Variants in TMCC1 observed in about 807,000 individuals in gnomAD.
The protein encoded by TMCC1 is transmembrane and coiled-coil domains protein 1.
A neutral mutation model predicts 52.4 loss-of-function variants in TMCC1; 15 were observed. The ratio of observed to expected loss-of-function variants is 0.29; its 90% CI spans 0.19 to 0.44. The LOEUF (loss-of-function observed/expected upper bound fraction) is 0.44, where lower values mean the gene tolerates loss of function less well. TMCC1 is among the 20% of genes least tolerant of loss of function. The pLI, the probability that TMCC1 is intolerant of heterozygous loss-of-function variation, is 1.00. For synonymous variants in TMCC1, 279 were observed against 301.9 expected, an observed-to-expected ratio of 0.92 and a Z score of 0.79; for missense variants, 503 against 806.0, an observed-to-expected ratio of 0.62 and a Z score of 4.55.
chr3:129,803,045 A>G (rs755034340), intron 4 of TMCC1, among the ~76,000 whole-genome samples: 1 of 152,370 alleles, frequency 6.6e-6, no homozygotes, highest in Non-Finnish European at 1.5e-5. Context: ...CAAGAGTGAG[A>G]GAAAGGAGCC....
In TMCC1 at chr3:129,849,824, AC is replaced by A. The variant is rs570575481; in HGVS notation, c.-183-16999del. Among the ~76,000 whole-genome samples the A allele has an allele frequency of 1.8e-4, 27 of 151,842 alleles. No individual in the cohort carries two copies. The East Asian group carries it at 5.0e-3, about 28-fold the overall frequency. On this transcript the variant is annotated intron_variant, in intron 2 of 6. Transcript: ENST00000393238. ...CATACACACACACATACATATATAC[AC>A]CCATGTATATATATGTATGTGTGTG...
intron 4 of TMCC1, among the ~76,000 whole-genome samples, chr3:129,810,415 A>G: frequency 6.6e-6 from 1 of 152,312 alleles, no homozygotes; most frequent in South Asian, 2.1e-4. Context: ...ACGCAGAACC[A>G]AAACAGGTAA....
At chr3:129,756,847 G>C (rs2053058219) in intron 4 of TMCC1, among the ~76,000 whole-genome samples, 1 of 152,230 alleles carries the variant, frequency 6.6e-6, no homozygotes, top group African/African-American at 2.4e-5. Flanking sequence ...AGTGAGGGGA[G>C]TTGTTGATTA....
In TMCC1 at chr3:129,875,468, G is replaced by A. The variant is rs552707231; in HGVS notation, c.-184+4841C>T. On this transcript the variant is annotated intron_variant, in intron 2 of 6. Transcript: ENST00000393238. ...ATCGCACCACTGCACTTCAGCCTAG[G>A]GGACAGAGGAGGACTCCATCTCAAA... Among the ~76,000 whole-genome samples, 133 of 142,996 alleles carry A rather than the reference G, an allele frequency of 9.3e-4. 2 individuals are homozygous for A. The highest frequency in any genetic ancestry group is 9.0e-5 in the Non-Finnish European group (6 of 66,390). The allele number at this position is 142,996 out of a possible 152,430, so 93.8% of individuals were successfully genotyped here.
At position 129,835,448 on chromosome 3, in the gene TMCC1, ACT is replaced by A. The variant is rs1293651806; in HGVS notation, c.-183-2624_-183-2623del. 4.6e-5 allele frequency among the ~76,000 whole-genome samples: 7 copies of A among 152,196 alleles called. No individual in the cohort carries two copies. In the South Asian group the frequency reaches 6.2e-4, roughly 14 times the overall value. Reference sequence around the variant, plus strand: ...GCAACCCATCACCAAGGAGACAGATACTCTGTTTTAGAATCCAGAAAGAGAGA... The same window carrying A: ...GCAACCCATCACCAAGGAGACAGATACTGTTTTAGAATCCAGAAAGAGAGA... On this transcript the variant is annotated intron_variant, in intron 2 of 6. Coordinates refer to ENST00000393238, the MANE Select transcript of TMCC1 (RefSeq NM_001017395.5).
chr3:129,729,107 G>A (rs983349335), intron 4 of TMCC1, among the ~76,000 whole-genome samples: 7 of 151,876 alleles, frequency 4.6e-5, no homozygotes, highest in Admixed American at 3.3e-4. Context: ...TGGGTCACAT[G>A]TTCAGAGTAT....
intron 4 of TMCC1, among the ~76,000 whole-genome samples, chr3:129,733,366 CTA>C (rs1446499090): frequency 6.6e-6 from 1 of 152,200 alleles, no homozygotes; most frequent in Non-Finnish European, 1.5e-5. Context: ...CAATGGCAGA[CTA>C]TTCTCTGCTT....
chr3:129,703,598 C>T (rs1207352119), intron 4 of TMCC1, among the ~76,000 whole-genome samples: 1 of 152,090 alleles, frequency 6.6e-6, no homozygotes, highest in Non-Finnish European at 1.5e-5. Flanking sequence ...ATTGAGTTTG[C>T]AAGGTTGAGG....
At chr3:129,847,551 C>T (rs185013306) in intron 2 of TMCC1, 2 of 152,212 alleles carry the variant, frequency 1.3e-5, no homozygotes, top group South Asian at 2.1e-4. Context: ...TATAAATACA[C>T]CAAATTTGTT....
chr3:129,888,950 G>T (rs933136924), intron 1 of TMCC1, among the ~76,000 whole-genome samples: 3 of 152,060 alleles, frequency 2.0e-5, no homozygotes, highest in Non-Finnish European at 4.4e-5. Context: ...GAAAACATCA[G>T]ATAAATCCCA....
intron 4 of TMCC1, among the ~76,000 whole-genome samples, chr3:129,818,117 T>C (rs2058197484): frequency 6.6e-6 from 1 of 151,808 alleles, no homozygotes; most frequent in Admixed American, 6.6e-5. Flanking sequence ...GCCTTTTTTG[T>C]ATTGTTAGTG....
intron 4 of TMCC1, among the ~76,000 whole-genome samples, chr3:129,775,944 G>T (rs1187901784): frequency 1.3e-5 from 2 of 152,102 alleles, no homozygotes; most frequent in Non-Finnish European, 2.9e-5. Context: ...CATAGCCAAA[G>T]AAATCCCTGG....
At chr3:129,772,566 C>G (rs1404686270) in intron 4 of TMCC1, among the ~76,000 whole-genome samples, 1 of 150,144 alleles carries the variant, frequency 6.7e-6, no homozygotes. Context: ...AAAAAAAATT[C>G]AAAAAAATTA....
At chr3:129,752,883 G>C (rs1264157591) in intron 4 of TMCC1, among the ~76,000 whole-genome samples, 1 of 152,110 alleles carries the variant, frequency 6.6e-6, no homozygotes, top group African/African-American at 2.4e-5. Context: ...GGAGGCCTTA[G>C]AAAACTTACA....
At chr3:129,862,984 T>C (rs1016426376) in intron 2 of TMCC1, among the ~76,000 whole-genome samples, 3 of 152,342 alleles carry the variant, frequency 2.0e-5, no homozygotes, top group South Asian at 4.1e-4. Flanking sequence ...GTTATTATCA[T>C]AGAATTTAAG....
intron 4 of TMCC1, among the ~76,000 whole-genome samples, chr3:129,775,486 T>C (rs548091342): frequency 7.2e-5 from 11 of 151,766 alleles, no homozygotes; most frequent in African/African-American, 2.4e-4. Flanking sequence ...GAAAAAGAAA[T>C]TAAACATAAT....
chr3:129,827,741 C>T, intron 4 of TMCC1, 62 bp downstream of exon 4: 1 of 1,533,050 alleles, frequency 6.5e-7, no homozygotes, highest in Non-Finnish European at 8.8e-7. Context: ...AAAGGAAAGT[C>T]TGGAGAGTCC....
At chr3:129,712,723 G>C (rs536766929) in intron 4 of TMCC1, among the ~76,000 whole-genome samples, 20 of 152,154 alleles carry the variant, frequency 1.3e-4, no homozygotes, top group African/African-American at 4.8e-4. Context: ...AAAATGCTGG[G>C]GTTACAGGTG....
Position 129,731,305 on chromosome 3 carries a change from C to T in TMCC1, c.577-60041G>A, listed in dbSNP as rs1041092728. 5.9e-5 allele frequency among the ~76,000 whole-genome samples: 9 copies of T among 152,208 alleles called. 1 individual carries two copies. The highest frequency in any genetic ancestry group is 6.3e-3 in the Middle Eastern group (2 of 316). ...AACTCTTAGCCAATTAGGCTGGACGCGGTGGCTCACACCTGTAATCTCAGC... is the reference window on the plus strand; with the variant it reads ...AACTCTTAGCCAATTAGGCTGGACGTGGTGGCTCACACCTGTAATCTCAGC... On this transcript the variant is annotated intron_variant, in intron 4 of 6. Coordinates refer to ENST00000393238, the MANE Select transcript of TMCC1 (RefSeq NM_001017395.5).
Sources: allele counts gnomAD v4.1 joint callset (sites outside exome capture counted in the v4.1 genomes callset), GRCh38; gene constraint gnomAD v4.1.1; transcripts MANE v1.5; gene names NCBI Gene and HGNC (gene_info 2026-07-23, HGNC 2026-07-21).